SATB1: variants seen among roughly 807,000 people sequenced by gnomAD.
The protein encoded by SATB1 is DNA-binding protein SATB1.
In SATB1, 11 loss-of-function variants were observed where a neutral mutation model predicts 86.9. That is an observed-to-expected ratio of 0.13 (90% CI 0.08 to 0.21). The LOEUF (loss-of-function observed/expected upper bound fraction) is 0.21, where lower values mean the gene tolerates loss of function less well. Ranked by LOEUF, SATB1 falls within the 10% of genes least tolerant of loss-of-function variation. The pLI, the probability that SATB1 is intolerant of heterozygous loss-of-function variation, is 1.00. For missense variants in SATB1, 551 were observed against 937.6 expected (o/e 0.59, Z 5.39); for synonymous variants, 357 against 357.2 (o/e 1.00, Z 0.01).
In SATB1 at chr3:18,415,930, C is replaced by G. The variant is rs575767277; in HGVS notation, c.515+77G>C. 6 of 1,377,462 alleles carry G rather than the reference C, an allele frequency of 4.4e-6. No individual in the cohort carries two copies. The South Asian group carries it at 4.7e-5, about 11-fold the overall frequency. The allele number at this position is 1,377,462 out of a possible 1,614,324, so 85.3% of individuals were successfully genotyped here. On this transcript the variant is annotated intron_variant, in intron 4 of 10. Transcript: ENST00000338745. ...CACAGACTAAAAAAAAATTGAAGGT[C>G]GACCAGAGAGAAATGCTTCATTTCA...
intron 2 of SATB1, among the ~76,000 whole-genome samples, chr3:18,432,491 C>T (rs1219144044): frequency 4.6e-5 from 7 of 152,158 alleles, no homozygotes; most frequent in Admixed American, 4.6e-4. Flanking sequence ...TGATATTGTA[C>T]TGCTATGCCC....
At chr3:18,439,677 T>A (rs1699185883), upstream of SATB1, among the ~76,000 whole-genome samples, 1 of 152,174 alleles carries the variant, frequency 6.6e-6, no homozygotes, top group African/African-American at 2.4e-5. Flanking sequence ...TATTCTACCC[T>A]GATGTCAGTG....
At chr3:18,392,574 T>C (rs200353797) in intron 7 of SATB1, among the ~76,000 whole-genome samples, 1 of 129,662 alleles carries the variant, frequency 7.7e-6, no homozygotes, top group Non-Finnish European at 1.6e-5. Flanking sequence ...TACACACACA[T>C]ACACACACAC....
chr3:18,445,481 G>T (rs1377948833), intron 1 of SATB1: 5 of 985,258 alleles, frequency 5.1e-6, no homozygotes, highest in Non-Finnish European at 6.0e-6. Flanking sequence ...GGGGTGCGCG[G>T]CGCGGTTCTC....
intron 9 of SATB1, among the ~76,000 whole-genome samples, chr3:18,363,188 A>G (rs1327538508): frequency 6.6e-6 from 1 of 152,106 alleles, no homozygotes; most frequent in African/African-American, 2.4e-5. Flanking sequence ...GCAATTTGGG[A>G]CTGTAAAAGT....
intron 9 of SATB1, among the ~76,000 whole-genome samples, chr3:18,357,217 T>C (rs543929109): frequency 1.1e-3 from 167 of 151,972 alleles, no homozygotes; most frequent in African/African-American, 3.2e-3. Context: ...AGTATAATAA[T>C]ATATGATATT....
intron 9 of SATB1, among the ~76,000 whole-genome samples, chr3:18,370,609 G>T (rs187878079): frequency 6.9e-6 from 1 of 145,970 alleles, no homozygotes; most frequent in Admixed American, 6.8e-5. Context: ...GGAAAGAAAT[G>T]CCACTTAAGA....
rs1698518111 is a variant in SATB1 at position 18,423,835 on chromosome 3, G to T, written c.-233C>A. 6.6e-6 allele frequency: 1 copy of T among 151,680 alleles called. No homozygotes were observed. The highest frequency in any genetic ancestry group is 2.1e-4 in the South Asian group (1 of 4,810). 9.4% of individuals were successfully genotyped at this position (151,680 alleles called of 1,614,324 possible). ...TCCCCTACCCCCGCCCCCCTAAGCGGGGGAAGGGCAGAAATAAACGTCTAG... is the reference window on the plus strand; with the variant it reads ...TCCCCTACCCCCGCCCCCCTAAGCGTGGGAAGGGCAGAAATAAACGTCTAG... On this transcript the variant is annotated 5_prime_UTR_variant, in exon 1 of 11. Coordinates refer to ENST00000338745, the MANE Select transcript of SATB1 (RefSeq NM_002971.6).
At chr3:18,351,463 T>G in intron 10 of SATB1, 1 of 1,347,458 alleles carries the variant, frequency 7.4e-7, no homozygotes, top group Non-Finnish European at 1.0e-6. Flanking sequence ...CTGTAAAGTG[T>G]GGGGAGACAG....
At position 18,349,582 on chromosome 3, in the gene SATB1, C is replaced by T. The variant is rs1032275888; in HGVS notation, c.1880G>A (p.Arg627Gln). The T allele has an allele frequency of 3.1e-6, 5 of 1,613,606 alleles. No individual in the cohort carries two copies. The highest frequency in any genetic ancestry group is 1.7e-5 in the Admixed American group (1 of 59,990). ...TGCTGGAGAGGCCACCGTGGGTTGCCGTGGGGGGAGCCGAGGGCCTGTCTG... is the reference window on the plus strand; with the variant it reads ...TGCTGGAGAGGCCACCGTGGGTTGCTGTGGGGGGAGCCGAGGGCCTGTCTG... Reference protein sequence around the residue: ...QPQTGPRLPPRQPTVASPAES... With the variant: ...QPQTGPRLPPQQPTVASPAES... Residue 627 changes from arginine to glutamine, a missense_variant, in exon 11 of 11, where the codon CGG (arginine) becomes CAG (glutamine). Transcript: ENST00000338745. The surrounding 1 kb of genome is among the most constrained non-coding windows in gnomAD (Gnocchi z 5.5).
chr3:18,416,345 G>T (rs1479459513), intron 3 of SATB1, among the ~76,000 whole-genome samples: 2 of 151,958 alleles, frequency 1.3e-5, no homozygotes, highest in African/African-American at 4.8e-5. Context: ...CTGTAGGGTT[G>T]TTTATTATTT....
chr3:18,351,644 T>TA, intron 10 of SATB1: 1 of 510,936 alleles, frequency 2.0e-6, no homozygotes, highest in South Asian at 2.7e-5. Context: ...TGGTATTAAT[T>TA]AAAAAATAGG....
At chr3:18,377,490 A>G (rs1201386298) in intron 9 of SATB1, among the ~76,000 whole-genome samples, 1 of 152,232 alleles carries the variant, frequency 6.6e-6, no homozygotes, top group African/African-American at 2.4e-5. Context: ...TATGCTGATA[A>G]AAGACTATAC....
intron 1 of SATB1, among the ~76,000 whole-genome samples, chr3:18,423,352 G>C (rs934324775): frequency 1.3e-5 from 2 of 152,038 alleles, no homozygotes; most frequent in African/African-American, 4.8e-5. Flanking sequence ...CCTTTAAAAG[G>C]AAAGAAAATC....
Position 18,348,044 on chromosome 3 carries a change from G to C in SATB1, c.*1126C>G, listed in dbSNP as rs981887308. On this transcript the variant is annotated 3_prime_UTR_variant, in exon 11 of 11. Coordinates refer to ENST00000338745, the MANE Select transcript of SATB1 (RefSeq NM_002971.6). The stretch of plus-strand genomic sequence containing the variant: ...TGTGATACACTTATAAAAACAGCCA[G>C]CTGTAACAAAATAGCTGTTTTCATA... 1 of 152,536 alleles carries C rather than the reference G, an allele frequency of 6.6e-6. No homozygotes were observed. Among genetic ancestry groups the C allele is most frequent in the Non-Finnish European group, 1.5e-5 (1 of 67,990 alleles). The allele number at this position is 152,536 out of a possible 1,614,324, so 9.4% of individuals were successfully genotyped here. A position where few individuals can be genotyped will look rare whatever the true frequency, so the allele number is the denominator to read the frequency against.
At chr3:18,418,549 T>C (rs1256373612) in intron 2 of SATB1, among the ~76,000 whole-genome samples, 5 of 152,168 alleles carry the variant, frequency 3.3e-5, no homozygotes, top group Non-Finnish European at 7.4e-5. Context: ...AGCTGTTTTA[T>C]ACCAGAGAAA....
intron 7 of SATB1, among the ~76,000 whole-genome samples, chr3:18,389,722 A>C (rs1318528410): frequency 2.0e-5 from 3 of 152,146 alleles, no homozygotes; most frequent in Admixed American, 6.5e-5. Context: ...ATCAGTATCA[A>C]GAATCATTGG....
At position 18,407,170 on chromosome 3, in the gene SATB1, T is replaced by C. The variant is rs79323451; in HGVS notation, c.639+7941A>G. ...ACCTCTTGGTAACAGTCCCATCAGG[T>C]ATCTTTATTCTACTTGACATTATCT... On this transcript the variant is annotated intron_variant, in intron 5 of 10. Transcript: ENST00000338745. 1.7e-3 allele frequency among the ~76,000 whole-genome samples: 260 copies of C among 152,144 alleles called. 7 individuals carry two copies. The East Asian group carries it at 0.042, about 25-fold the overall frequency.
chr3:18,369,176 AGAAAG>A (rs1310543594), intron 9 of SATB1, among the ~76,000 whole-genome samples: 7 of 65,972 alleles, frequency 1.1e-4, no homozygotes, highest in East Asian at 5.1e-4. Context: ...AAAAAAAAAA[AGAAAG>A]AAAAGCTGTC....
Sources: allele counts gnomAD v4.1 joint callset (sites outside exome capture counted in the v4.1 genomes callset), GRCh38; gene constraint gnomAD v4.1.1; non-coding constraint Gnocchi (gnomAD v3.1); transcripts MANE v1.5; gene names NCBI Gene and HGNC (gene_info 2026-07-23, HGNC 2026-07-21).